Variants in CASKIN1 observed in about 807,000 individuals in gnomAD.
CASKIN1 encodes the protein CASK interacting protein 1, also known as caskin-1.
In CASKIN1, 42 loss-of-function variants were observed where a neutral mutation model predicts 117.5. The observed-to-expected ratio is 0.36, with a 90% confidence interval of 0.28 to 0.46. The LOEUF is 0.46. CASKIN1 is among the 20% of genes least tolerant of loss of function. The pLI is 1.00. For synonymous variants in CASKIN1, 1,148 were observed against 961.7 expected (o/e 1.19, Z -3.59); for missense variants, 2,083 against 2,077.3 (o/e 1.00, Z -0.05).
Position 2,181,120 on chromosome 16 carries a change from T to C in CASKIN1, c.2248A>G (p.Ser750Gly). 1.3e-6 allele frequency: 2 copies of C among 1,481,544 alleles called. No homozygotes were observed. The highest frequency in any genetic ancestry group is 1.8e-6 in the Non-Finnish European group (2 of 1,124,718). 91.8% of individuals were successfully genotyped at this position (1,481,544 alleles called of 1,614,324 possible). A position where few individuals can be genotyped will look rare whatever the true frequency, so the allele number is the denominator to read the frequency against. Residue 750 changes from serine (S) to glycine (G), a missense_variant, in exon 18 of 20, where the codon AGC becomes GGC. By Grantham distance (56) the Ser-to-Gly change is moderately conservative. This residue lies in a region of CASKIN1 where 1,818 missense variants were observed against 1,688.9 expected (regional missense o/e 1.08). Transcript: ENST00000343516. ...GGGGGCACGCTGGCCCTCTTGATGC[T>C]GTGGCCGTGGCGGCCGGGCCGGGCC... ...REARPGRHGHSIKRASVPPVP... is the reference protein window; with the variant it reads ...REARPGRHGHGIKRASVPPVP...
intron 12 of CASKIN1, 29 bp from the exon 13 acceptor site, chr16:2,185,064 C>A: frequency 6.2e-7 from 1 of 1,606,630 alleles, no homozygotes; most frequent in East Asian, 2.2e-5. Context: ...GGCTTGTCAC[C>A]TGCTCCCAGC....
chr16:2,191,563 G>A (rs755404824), intron 1 of CASKIN1, among the ~76,000 whole-genome samples: 47 of 152,314 alleles, frequency 3.1e-4, no homozygotes, highest in Non-Finnish European at 5.0e-4. Context: ...GTCAGGACTC[G>A]GTGCATGGCG....
chr16:2,186,738 G>C lies in CASKIN1; in HGVS notation c.1017C>G (p.Ser339=). 6.2e-7 allele frequency: 1 copy of C among 1,612,896 alleles called. No homozygotes were observed. The highest frequency in any genetic ancestry group is 8.5e-7 in the Non-Finnish European group (1 of 1,179,938). Residue 339 remains serine, a synonymous_variant, in exon 10 of 20, where the codon TCC becomes TCG. Coordinates refer to ENST00000343516, the MANE Select transcript of CASKIN1 (RefSeq NM_020764.4). The part of the protein sequence containing the change: ...TGNDRVGYFP[S]SLGEAIVKRA... ...GCTTGACAATGGCCTCGCCCAGGGA[G>C]GACGGGAAGTAGCCCACCCGGTCAT...
At chr16:2,183,587 C>G in intron 16 of CASKIN1, 59 bp downstream of exon 16, 1 of 1,452,720 alleles carries the variant, frequency 6.9e-7, no homozygotes, top group South Asian at 1.2e-5. Context: ...GGCAGGTTCT[C>G]TGTCTGTCTG....
intron 1 of CASKIN1, among the ~76,000 whole-genome samples, chr16:2,193,441 C>T (rs752959395): frequency 1.9e-4 from 29 of 152,216 alleles, no homozygotes; most frequent in Non-Finnish European, 4.0e-4. Context: ...GTCACTGTCC[C>T]GTGCATCCCC....
intron 1 of CASKIN1, among the ~76,000 whole-genome samples, chr16:2,192,046 C>T (rs2141328387): frequency 1.3e-5 from 2 of 152,344 alleles, no homozygotes; most frequent in South Asian, 4.1e-4. Flanking sequence ...AACCCCAGCA[C>T]ATTGGGAGGC....
chr16:2,188,042 C>T (rs1056245533), intron 6 of CASKIN1, among the ~76,000 whole-genome samples: 2 of 140,550 alleles, frequency 1.4e-5, no homozygotes, highest in African/African-American at 5.1e-5. Flanking sequence ...TGTGACCATT[C>T]CCAGCTTTTT....
chr16:2,185,767 C>A (rs574532622), intron 10 of CASKIN1, among the ~76,000 whole-genome samples: 1 of 152,234 alleles, frequency 6.6e-6, no homozygotes, highest in Admixed American at 6.5e-5. Context: ...TGGTCGGGGG[C>A]TGGCCCTGCC....
chr16:2,190,040 C>G (rs1567263426), intron 3 of CASKIN1, 33 bp downstream of exon 3: 3 of 1,591,146 alleles, frequency 1.9e-6, no homozygotes, highest in East Asian at 4.5e-5. Context: ...GCCCCCGCCC[C>G]TGCCCCCACC....
chr16:2,181,545 G>T lies in CASKIN1; in HGVS notation c.1823C>A (p.Ala608Asp). The T allele has an allele frequency of 6.3e-7, 1 of 1,593,406 alleles. No individual in the cohort carries two copies. Reference protein sequence around the residue: ...AVRKLAELQKAEYAKYEGGPL... With the variant: ...AVRKLAELQKDEYAKYEGGPL... ...GCCCCCCTCATACTTGGCGTATTCA[G>T]CCTTCTGCAGCTCTGCCAGCTTCCT... The change falls in exon 18 of 20, where the codon GCT (alanine) becomes GAT (aspartate). Residue 608 changes from alanine to aspartate, a missense_variant. By Grantham distance (126) the Ala-to-Asp change is moderately radical. Transcript: ENST00000343516.
chr16:2,178,979 C>T lies in CASKIN1; in HGVS notation c.4122G>A (p.Glu1374=), dbSNP rs1248504452. The change falls in exon 19 of 20, where the codon GAG becomes GAA. Residue 1374 remains glutamate (E), a synonymous_variant. Coordinates refer to ENST00000343516, the MANE Select transcript of CASKIN1 (RefSeq NM_020764.4). ...SPGDSARQKL[E]ETSACLAAAL... ...CCGCGGCCAGGCACGCGCTTGTCTCCTCCAGTTTCTGCCGGGCGCTGTCCC... is the reference window on the plus strand; with the variant it reads ...CCGCGGCCAGGCACGCGCTTGTCTCTTCCAGTTTCTGCCGGGCGCTGTCCC... The T allele has an allele frequency of 5.6e-6, 8 of 1,429,248 alleles. No individual in the cohort carries two copies. Among genetic ancestry groups the T allele is most frequent in the Non-Finnish European group, 7.3e-6 (8 of 1,095,620 alleles). The allele number at this position is 1,429,248 out of a possible 1,614,324, so 88.5% of individuals were successfully genotyped here. A position where few individuals can be genotyped will look rare whatever the true frequency, so the allele number is the denominator to read the frequency against.
At chr16:2,193,979 G>T (rs1288995117) in intron 1 of CASKIN1, among the ~76,000 whole-genome samples, 1 of 152,020 alleles carries the variant, frequency 6.6e-6, no homozygotes, top group Non-Finnish European at 1.5e-5. Context: ...CCGGGGCCAG[G>T]ATGAAAGTCC....
intron 6 of CASKIN1, 64 bp downstream of exon 6, chr16:2,188,963 G>GC: frequency 6.4e-7 from 1 of 1,553,204 alleles, no homozygotes; most frequent in African/African-American, 1.4e-5. Flanking sequence ...GGTGCCCTGA[G>GC]CCCCAGGCTG....
chr16:2,182,079 T>C lies in CASKIN1; in HGVS notation c.1630-150A>G, dbSNP rs750683712. On this transcript the variant is annotated intron_variant, in intron 16 of 19. Coordinates refer to ENST00000343516, the MANE Select transcript of CASKIN1 (RefSeq NM_020764.4). This position sits in a 1 kb window ranked among gnomAD's most constrained non-coding sequence, Gnocchi z 4.1. ...TAGGCCGAGGTATTGGCACCAGAAA[T>C]GTAGGCAGAGCCTCGGCTCAGGCAC... 54 of 1,110,726 alleles carry C rather than the reference T, an allele frequency of 4.9e-5. No individual in the cohort carries two copies. The highest frequency in any genetic ancestry group is 6.7e-5 in the Non-Finnish European group (52 of 775,180). 68.8% of individuals were successfully genotyped at this position (1,110,726 alleles called of 1,614,324 possible).
rs2141305682 is a variant in CASKIN1 at position 2,178,291 on chromosome 16, C to G, written c.*259G>C. On this transcript the variant is annotated 3_prime_UTR_variant, in exon 20 of 20. Coordinates refer to ENST00000343516, the MANE Select transcript of CASKIN1 (RefSeq NM_020764.4). ...TCCCGGGGCGCCCTCCCCTCCCGCG[C>G]GGGCAGGAGGCCCAGCAGGTATTGC... 2.9e-5 allele frequency: 12 copies of G among 414,160 alleles called. 2 individuals are homozygous for G. In the South Asian group the frequency reaches 3.4e-4, roughly 12 times the overall value. 25.7% of individuals were successfully genotyped at this position (414,160 alleles called of 1,614,324 possible).
At chr16:2,195,858 C>T (rs1022559431) in intron 1 of CASKIN1, among the ~76,000 whole-genome samples, 1 of 152,226 alleles carries the variant, frequency 6.6e-6, no homozygotes, top group African/African-American at 2.4e-5. Flanking sequence ...CCCACCTTCC[C>T]TGCAAAGCGT....
Position 2,179,012 on chromosome 16 carries a change from G to A in CASKIN1, c.4089C>T (p.Ala1363=). The A allele has an allele frequency of 1.7e-6, 2 of 1,192,596 alleles. No homozygotes were observed. Among genetic ancestry groups the A allele is most frequent in the Non-Finnish European group, 2.1e-6 (2 of 962,478 alleles). The allele number at this position is 1,192,596 out of a possible 1,614,324, so 73.9% of individuals were successfully genotyped here. ...TCTGCCGGGCGCTGTCCCCTGGCGA[G>A]GCGCCTTCGGGCGGGGCGGGGGGCG... ...AAAPPAPPEG[A]SPGDSARQKL... The change falls in exon 19 of 20, where the codon GCC becomes GCT. Residue 1363 remains alanine (A), a synonymous_variant. Transcript: ENST00000343516. This position sits in a 1 kb window ranked among gnomAD's most constrained non-coding sequence, Gnocchi z 5.8.
intron 6 of CASKIN1, chr16:2,188,804 G>T: frequency 1.7e-6 from 1 of 588,948 alleles, no homozygotes; most frequent in Non-Finnish European, 2.9e-6. Flanking sequence ...GCACACCCAG[G>T]AGCGGTGGGG....
rs759233931 is a variant in CASKIN1 at position 2,178,659 on chromosome 16, G to GGGCAAGGGGCGTGA, written c.4200-27_4200-14dup. 2.5e-5 allele frequency: 40 copies of GGGCAAGGGGCGTGA among 1,582,510 alleles called. No homozygotes were observed. The highest frequency in any genetic ancestry group is 3.2e-5 in the Non-Finnish European group (38 of 1,171,884). ...CGCCGCCGAGTCGCTGCGGGGCGCG[G>GGGCAAGGGGCGTGA]GGCAAGGGGCGTGAGTGGGCGGGGC... On this transcript the variant is annotated splice_polypyrimidine_tract_variant and intron_variant, in intron 19 of 19. Coordinates refer to ENST00000343516, the MANE Select transcript of CASKIN1 (RefSeq NM_020764.4).
Sources: allele counts gnomAD v4.1 joint callset (sites outside exome capture counted in the v4.1 genomes callset), GRCh38; gene constraint gnomAD v4.1.1; regional missense constraint gnomAD v4.1.1; non-coding constraint Gnocchi (gnomAD v3.1); transcripts MANE v1.5; gene names NCBI Gene and HGNC (gene_info 2026-07-23, HGNC 2026-07-21).